SLC25A10: variants seen among roughly 807,000 people sequenced by gnomAD.
SLC25A10 encodes solute carrier family 25 member 10.
A neutral mutation model predicts 40.4 loss-of-function variants in SLC25A10; 32 were observed. That is an observed-to-expected ratio of 0.79 (90% CI 0.60 to 1.06). The LOEUF is 1.06. Ranked by LOEUF, SLC25A10 falls within the 50% of genes least tolerant of loss-of-function variation. The pLI is 0.00. For synonymous variants in SLC25A10, 181 were observed against 171.1 expected, an observed-to-expected ratio of 1.06 and a Z score of -0.45; for missense variants, 394 against 402.6, an observed-to-expected ratio of 0.98 and a Z score of 0.18.
At position 81,715,577 on chromosome 17, in the gene SLC25A10, C is replaced by T. The variant is rs2037470269; in HGVS notation, c.313C>T (p.Leu105=). Residue 105 remains leucine (L), a synonymous_variant, in exon 3 of 11, where the codon CTG becomes TTG. Coordinates refer to ENST00000350690, the MANE Select transcript of SLC25A10 (RefSeq NM_012140.5). ...GPLPFHEKVL[L]GSVSGLAGGF... is the part of the protein sequence containing the mutation. The stretch of plus-strand genomic sequence containing the variant: ...TCTCCCCTTCCACGAGAAGGTGTTG[C>T]TGGGCTCCGTCAGCGGTGAGCTGCC... The T allele has an allele frequency of 2.5e-6, 4 of 1,612,738 alleles. No homozygotes were observed. In the East Asian group the frequency reaches 8.9e-5, roughly 36 times the overall value.
At chr17:81,718,352 G>A (rs986251139) in intron 9 of SLC25A10, among the ~76,000 whole-genome samples, 12 of 152,230 alleles carry the variant, frequency 7.9e-5, no homozygotes, top group African/African-American at 2.6e-4. Flanking sequence ...GGGTGTGGTG[G>A]CGTGCGCCTG....
At chr17:81,713,868 G>T (rs1428973037) in intron 1 of SLC25A10, among the ~76,000 whole-genome samples, 1 of 152,254 alleles carries the variant, frequency 6.6e-6, no homozygotes, top group African/African-American at 2.4e-5. Context: ...CCTCTGGCCT[G>T]GGAGGGCGGG....
Position 81,717,774 on chromosome 17 carries a change from C to G in SLC25A10, c.628-10C>G. On this transcript the variant is annotated splice_polypyrimidine_tract_variant and intron_variant, in intron 8 of 10. Transcript: ENST00000350690. ...CCTGACAGGCCGCTGGTGACGAGCC[C>G]CCTCCTCAGGGTGGATGTGCCACGT... 6.2e-7 allele frequency: 1 copy of G among 1,610,278 alleles called. No homozygotes were observed. Among genetic ancestry groups the G allele is most frequent in the Non-Finnish European group, 8.5e-7 (1 of 1,179,124 alleles).
intron 9 of SLC25A10, among the ~76,000 whole-genome samples, chr17:81,718,681 G>A (rs1190234921): frequency 6.6e-6 from 1 of 150,784 alleles, no homozygotes; most frequent in Non-Finnish European, 1.5e-5. Flanking sequence ...CAGGCACGGT[G>A]GCTCACGCCT....
chr17:81,715,536 A>G lies in SLC25A10; in HGVS notation c.272A>G (p.Lys91Arg), dbSNP rs2037468869. 1 of 1,612,766 alleles carries G rather than the reference A, an allele frequency of 6.2e-7. No individual in the cohort carries two copies. Among genetic ancestry groups the G allele is most frequent in the Non-Finnish European group, 8.5e-7 (1 of 1,179,812 alleles). ...GAGACTGTGCGGGACCGTGTGGCCA[A>G]GGGCAGCCAGGGGCCTCTCCCCTTC... Reference protein sequence around the residue: ...IYETVRDRVAKGSQGPLPFHE... With the variant: ...IYETVRDRVARGSQGPLPFHE... Residue 91 changes from lysine (K) to arginine (R), a missense_variant, in exon 3 of 11, where the codon AAG becomes AGG. Transcript: ENST00000350690.
chr17:81,716,902 G>A (rs1158534443), intron 6 of SLC25A10, 47 bp downstream of exon 6: 1 of 1,606,486 alleles, frequency 6.2e-7, no homozygotes, highest in Non-Finnish European at 8.5e-7. Flanking sequence ...GGGGCAGGCA[G>A]GGTGGGCAGC....
At chr17:81,716,383 A>T (rs1388565110) in intron 5 of SLC25A10, among the ~76,000 whole-genome samples, 2 of 152,166 alleles carry the variant, frequency 1.3e-5, no homozygotes, top group South Asian at 2.1e-4. Flanking sequence ...TGCCCAGCTC[A>T]GGGCAGCTGT....
intron 4 of SLC25A10, 29 bp from the exon 5 acceptor site, chr17:81,715,979 CG>C: frequency 1.3e-6 from 2 of 1,558,392 alleles, no homozygotes; most frequent in Non-Finnish European, 1.7e-6. Flanking sequence ...TCGGCCCGCC[CG>C]CCCCTCCCGC....
rs990681268 is a variant in SLC25A10, at chr17:81,720,214, C to A, written c.*137C>A. ...TCCTCCGCAGCAGGCCCCTGCTGTC[C>A]CCCCACCTGCTGGCTGAGCTCCTCC... On this transcript the variant is annotated 3_prime_UTR_variant, in exon 11 of 11. Transcript: ENST00000350690. The A allele has an allele frequency of 2.7e-6, 4 of 1,465,534 alleles. No homozygotes were observed. Among genetic ancestry groups the A allele is most frequent in the Non-Finnish European group, 3.6e-6 (4 of 1,116,560 alleles). The allele number at this position is 1,465,534 out of a possible 1,614,324, so 90.8% of individuals were successfully genotyped here. A position where few individuals can be genotyped will look rare whatever the true frequency, so the allele number is the denominator to read the frequency against.
chr17:81,712,522 G>T lies in SLC25A10; in HGVS notation c.93+3G>T. ...CGCACCCGCTGGACCTGCTCAAGGT[G>T]AGGCCGGGGCCCGGGACGCGGGGCG... On this transcript the variant is annotated splice_donor_region_variant and intron_variant, in intron 1 of 10. Coordinates refer to ENST00000350690, the MANE Select transcript of SLC25A10 (RefSeq NM_012140.5). 1 of 1,251,340 alleles carries T rather than the reference G, an allele frequency of 8.0e-7. No homozygotes were observed. Among genetic ancestry groups the T allele is most frequent in the Non-Finnish European group, 1.0e-6 (1 of 996,818 alleles). The allele number at this position is 1,251,340 out of a possible 1,614,324, so 77.5% of individuals were successfully genotyped here. A position where few individuals can be genotyped will look rare whatever the true frequency, so the allele number is the denominator to read the frequency against.
At chr17:81,717,937 C>G in intron 9 of SLC25A10, 76 bp downstream of exon 9, 5 of 1,121,336 alleles carry the variant, frequency 4.5e-6, no homozygotes, top group South Asian at 1.3e-5. Flanking sequence ...GGTGGACACT[C>G]GCACTGGGGA....
rs2037398114 is a variant in SLC25A10 at position 81,712,383 on chromosome 17, C to T, written c.-44C>T. On this transcript the variant is annotated 5_prime_UTR_variant, in exon 1 of 11. Transcript: ENST00000350690. The stretch of plus-strand genomic sequence containing the variant: ...CGGCCGGTACACGCCGGGGTAGGGC[C>T]GGGGTCGGGTTGTGGTCGGGCCGGG... The T allele has an allele frequency of 1.7e-6, 2 of 1,190,918 alleles. No homozygotes were observed. The highest frequency in any genetic ancestry group is 2.1e-6 in the Non-Finnish European group (2 of 947,260). The allele number at this position is 1,190,918 out of a possible 1,614,324, so 73.8% of individuals were successfully genotyped here.
rs778501282 is a variant in SLC25A10 at position 81,719,839 on chromosome 17, C to G, written c.714C>G (p.Phe238Leu). ...MNSKGEYQGV[F>L]HCAVETAKLG... Reference sequence around the variant, plus strand: ...CACTGCGTTTTCTGCAGGGCGTTTTCCACTGCGCCGTGGAGACAGCGAAGC... The same window carrying G: ...CACTGCGTTTTCTGCAGGGCGTTTTGCACTGCGCCGTGGAGACAGCGAAGC... Residue 238 changes from phenylalanine (F) to leucine (L), a missense_variant, in exon 10 of 11, where the codon TTC becomes TTG. Physicochemically the swap from Phe to Leu is conservative, Grantham distance 22 (BLOSUM62 0). Coordinates refer to ENST00000350690, the MANE Select transcript of SLC25A10 (RefSeq NM_012140.5). The G allele has an allele frequency of 6.2e-7, 1 of 1,613,408 alleles. No homozygotes were observed. The highest frequency in any genetic ancestry group is 8.5e-7 in the Non-Finnish European group (1 of 1,179,946).
chr17:81,717,571 G>C, intron 8 of SLC25A10, 80 bp downstream of exon 8: 1 of 1,504,272 alleles, frequency 6.6e-7, no homozygotes, highest in South Asian at 1.1e-5. Context: ...GGCGAGGGCT[G>C]GGGGAGGCGG....
intron 5 of SLC25A10, 155 bp from the exon 6 acceptor site, chr17:81,716,656 GT>G (rs1307795279): frequency 1.4e-6 from 1 of 727,146 alleles, no homozygotes; most frequent in Non-Finnish European, 2.3e-6. Flanking sequence ...GCTGTGGGAC[GT>G]CAGGACCAGC....
intron 6 of SLC25A10, 47 bp from the exon 7 acceptor site, chr17:81,716,955 G>GGTCTCACCCCTT: frequency 6.3e-7 from 1 of 1,588,478 alleles, no homozygotes; most frequent in Non-Finnish European, 8.6e-7. Context: ...CCAGGTGCCT[G>GGTCTCACCCCTT]GCCTCACCCC....
Position 81,712,430 on chromosome 17 carries a change from G to A in SLC25A10, c.4G>A (p.Ala2Thr). The A allele has an allele frequency of 7.7e-7, 1 of 1,302,162 alleles. No homozygotes were observed. Among genetic ancestry groups the A allele is most frequent in the South Asian group, 2.3e-5 (1 of 43,194 alleles). 80.7% of individuals were successfully genotyped at this position (1,302,162 alleles called of 1,614,324 possible). A position where few individuals can be genotyped will look rare whatever the true frequency, so the allele number is the denominator to read the frequency against. ...CGGGATTGGGCTCTCCTGGGCCATG[G>A]CAGCCGAGGCGCGCGTGTCGCGCTG... Reference protein sequence around the residue: MAAEARVSRWYF... With the variant: MTAEARVSRWYF... Residue 2 changes from alanine to threonine, a missense_variant, in exon 1 of 11, where the codon GCA (alanine) becomes ACA (threonine). Physicochemically the swap from Ala to Thr is moderately conservative, Grantham distance 58. Coordinates refer to ENST00000350690, the MANE Select transcript of SLC25A10 (RefSeq NM_012140.5).
intron 9 of SLC25A10, 72 bp downstream of exon 9, chr17:81,717,933 C>A: frequency 8.4e-7 from 1 of 1,186,038 alleles, no homozygotes; most frequent in Non-Finnish European, 1.2e-6. Flanking sequence ...GGGGGGTGGA[C>A]ACTCGCACTG....
chr17:81,716,116 G>A (rs374146073), intron 5 of SLC25A10, 66 bp downstream of exon 5: 7 of 1,523,412 alleles, frequency 4.6e-6, no homozygotes, highest in Non-Finnish European at 6.2e-6. Flanking sequence ...GCGGACCCCT[G>A]GCTGCTCTGC....
Sources: gnomAD v4.1 joint callset for allele counts (sites outside exome capture counted in the v4.1 genomes callset) on GRCh38, gnomAD v4.1.1 for gene constraint, MANE v1.5 for transcripts, NCBI Gene and HGNC (gene_info 2026-07-23, HGNC 2026-07-21) for gene names.